The following CERK variants were observed in gnomAD, a reference collection of about 807,000 sequenced individuals.
CERK encodes the protein acylsphingosine kinase.
A neutral mutation model predicts 63.4 loss-of-function variants in CERK; 39 were observed. The observed-to-expected ratio is 0.61, with a 90% CI of 0.48 to 0.80. CERK has a LOEUF of 0.80. Ranked by LOEUF, CERK falls within the 30% of genes least tolerant of loss-of-function variation. The pLI is 0.00. For missense variants in CERK, 670 were observed against 714.1 expected (o/e 0.94, Z 0.70); for synonymous variants, 302 against 280.0 (o/e 1.08, Z -0.78).
chr22:46,702,568 C>T (rs556903171), intron 6 of CERK, among the ~76,000 whole-genome samples: 4 of 152,230 alleles, frequency 2.6e-5, no homozygotes, highest in Non-Finnish European at 4.4e-5. Flanking sequence ...TGGGATTAGG[C>T]GTGAGCCACC....
intron 3 of CERK, among the ~76,000 whole-genome samples, chr22:46,713,508 C>CAAAA (rs34168827): frequency 1.2e-3 from 89 of 73,278 alleles, no homozygotes; most frequent in East Asian, 2.1e-3. Context: ...GACTTCATCT[C>CAAAA]AAAAAAAAAA....
chr22:46,723,738 T>C (rs2146585364), intron 1 of CERK, among the ~76,000 whole-genome samples: 1 of 151,824 alleles, frequency 6.6e-6, no homozygotes, highest in South Asian at 2.1e-4. Flanking sequence ...AATGGAGTCT[T>C]GCTCGTCACC....
Position 46,720,028 on chromosome 22 carries a change from A to G in CERK, c.379+58T>C, listed in dbSNP as rs140785378. 7.5e-5 allele frequency: 118 copies of G among 1,580,028 alleles called. 1 individual carries two copies. The African/African-American group carries it at 1.2e-3, about 17-fold the overall frequency. On this transcript the variant is annotated intron_variant, in intron 3 of 12. Coordinates refer to ENST00000216264, the MANE Select transcript of CERK (RefSeq NM_022766.6). ...GGAGACACTTCAGGAAGATCACCCA[A>G]TCAGGCATGCGCATGCCACCACGGC...
chr22:46,701,971 A>T (rs1569321865), intron 6 of CERK, among the ~76,000 whole-genome samples: 1 of 152,152 alleles, frequency 6.6e-6, no homozygotes, highest in Non-Finnish European at 1.5e-5. Flanking sequence ...ACTTGAGGTC[A>T]GGAGTTCGAG....
chr22:46,688,982 T>G (rs1182877095), intron 12 of CERK, among the ~76,000 whole-genome samples: 1 of 152,266 alleles, frequency 6.6e-6, no homozygotes, highest in Non-Finnish European at 1.5e-5. Flanking sequence ...CAATTTTCTT[T>G]GCACTCAGAT....
chr22:46,722,634 A>G (rs1332074479), intron 1 of CERK, among the ~76,000 whole-genome samples: 1 of 141,436 alleles, frequency 7.1e-6, no homozygotes, highest in South Asian at 2.2e-4. Context: ...ATCTCGGCTC[A>G]CCGCAACCTC....
At chr22:46,736,051 T>C (rs879593943) in intron 1 of CERK, among the ~76,000 whole-genome samples, 2 of 152,208 alleles carry the variant, frequency 1.3e-5, no homozygotes, top group Non-Finnish European at 2.9e-5. Flanking sequence ...CCACCATCCA[T>C]GGCCCCACAA....
chr22:46,707,790 A>G, intron 6 of CERK, 53 bp downstream of exon 6: 3 of 1,558,902 alleles, frequency 1.9e-6, no homozygotes, highest in South Asian at 1.2e-5. Flanking sequence ...TGTGCAGAAC[A>G]ATTCCTAAGG....
intron 6 of CERK, among the ~76,000 whole-genome samples, chr22:46,703,373 G>A (rs1022147345): frequency 6.6e-6 from 1 of 151,714 alleles, no homozygotes; most frequent in Non-Finnish European, 1.5e-5. Flanking sequence ...CCCCCAGCCA[G>A]CAAGACAAGC....
chr22:46,710,427 C>G (rs1364317137), intron 5 of CERK, among the ~76,000 whole-genome samples: 2 of 127,636 alleles, frequency 1.6e-5, no homozygotes, highest in African/African-American at 6.2e-5. Context: ...AACTCTGCCT[C>G]AAAAACGAAA....
chr22:46,714,368 T>C lies in CERK; in HGVS notation c.380-2075A>G, dbSNP rs1263504521. ...CTGAGGTGAGAGAATCACTTGAACC[T>C]GGGAGGTCGAGGCTGCAGTGAGCTA... On this transcript the variant is annotated intron_variant, in intron 3 of 12. Coordinates refer to ENST00000216264, the MANE Select transcript of CERK (RefSeq NM_022766.6). This position sits in a 1 kb window ranked among gnomAD's most constrained non-coding sequence, Gnocchi z 4.4. 2.0e-5 allele frequency among the ~76,000 whole-genome samples: 3 copies of C among 152,058 alleles called. No individual in the cohort carries two copies. In the East Asian group the frequency reaches 5.8e-4, roughly 29 times the overall value.
At chr22:46,691,062 C>T (rs1601708159) in intron 11 of CERK, among the ~76,000 whole-genome samples, 2 of 150,596 alleles carry the variant, frequency 1.3e-5, no homozygotes, top group African/African-American at 4.9e-5. Flanking sequence ...TACATACACA[C>T]ACACACACAC....
rs370934068 is a variant in CERK at position 46,697,286 on chromosome 22, CA to C, written c.944-1972del. ...CGAGAATGGCACACCTCATGGTCTACATATTTTCTTCTTTCTTTCTTTTCTT... is the reference window on the plus strand; with the variant it reads ...CGAGAATGGCACACCTCATGGTCTACTATTTTCTTCTTTCTTTCTTTTCTT... On this transcript the variant is annotated intron_variant, in intron 8 of 12. Transcript: ENST00000216264. Among the ~76,000 whole-genome samples, 119 of 152,150 alleles carry C rather than the reference CA, an allele frequency of 7.8e-4. 1 individual carries two copies. The highest frequency in any genetic ancestry group is 2.8e-3 in the African/African-American group (116 of 41,538).
At chr22:46,687,289 C>G in intron 12 of CERK, 83 bp from the exon 13 acceptor site, 1 of 527,818 alleles carries the variant, frequency 1.9e-6, no homozygotes, top group Non-Finnish European at 2.9e-6. Flanking sequence ...ACAGGGGCTG[C>G]AGTAAACCCC....
intron 6 of CERK, among the ~76,000 whole-genome samples, chr22:46,706,998 C>A (rs979757730): frequency 6.6e-6 from 1 of 152,128 alleles, no homozygotes; most frequent in Non-Finnish European, 1.5e-5. Flanking sequence ...GGGCCTGTCC[C>A]TCGTGAGGGC....
At chr22:46,720,806 C>A in intron 2 of CERK, 96 bp downstream of exon 2, 1 of 748,080 alleles carries the variant, frequency 1.3e-6, no homozygotes. Flanking sequence ...TAAACCAATG[C>A]ATTGAGCTTG....
chr22:46,726,076 C>T (rs1248532979), intron 1 of CERK, among the ~76,000 whole-genome samples: 7 of 152,254 alleles, frequency 4.6e-5, no homozygotes, highest in African/African-American at 1.2e-4. Context: ...ACGGGTTTCC[C>T]GTGTGTCACG....
At chr22:46,722,692 G>A (rs1314254154) in intron 1 of CERK, among the ~76,000 whole-genome samples, 1 of 151,888 alleles carries the variant, frequency 6.6e-6, no homozygotes, top group Non-Finnish European at 1.5e-5. Context: ...CCAAGTAGCT[G>A]AGATTACAGG....
chr22:46,730,554 G>A (rs944056061), intron 1 of CERK, among the ~76,000 whole-genome samples: 2 of 152,194 alleles, frequency 1.3e-5, no homozygotes, highest in Non-Finnish European at 1.5e-5. Flanking sequence ...TTAGATAGAG[G>A]AATAGTGAAG....
Sources: allele counts gnomAD v4.1 joint callset (sites outside exome capture counted in the v4.1 genomes callset), GRCh38; gene constraint gnomAD v4.1.1; non-coding constraint Gnocchi (gnomAD v3.1); transcripts MANE v1.5; gene names NCBI Gene and HGNC (gene_info 2026-07-23, HGNC 2026-07-21).